FHOD3: variants seen among roughly 807,000 people sequenced by gnomAD.
FHOD3 encodes FH1/FH2 domain-containing protein 3.
Under a neutral mutation model 173.0 loss-of-function variants are expected in FHOD3, and 90 were observed. The observed-to-expected ratio is 0.52, with a 90% CI of 0.44 to 0.62. FHOD3 has a LOEUF of 0.62. Among genes scored for constraint, FHOD3 ranks in the 20% least tolerant of loss-of-function variants. The pLI is 0.00. For missense variants in FHOD3, 1,945 were observed against 2,034.7 expected, an observed-to-expected ratio of 0.96 and a Z score of 0.85; for synonymous variants, 828 against 823.0, an observed-to-expected ratio of 1.01 and a Z score of -0.10.
At chr18:36,515,570 A>G (rs2055923811) in intron 5 of FHOD3, among the ~76,000 whole-genome samples, 1 of 152,308 alleles carries the variant, frequency 6.6e-6, no homozygotes, top group Middle Eastern at 3.4e-3. Context: ...GCCAGAGGCA[A>G]TTCCCGAATG....
chr18:36,594,285 CT>C (rs1887417612), intron 6 of FHOD3, among the ~76,000 whole-genome samples: 1 of 152,084 alleles, frequency 6.6e-6, no homozygotes, highest in Non-Finnish European at 1.5e-5. Context: ...GCGGCCTTCT[CT>C]GCTTGGCTTT....
At chr18:36,301,356 A>C (rs990335321) in intron 1 of FHOD3, among the ~76,000 whole-genome samples, 3 of 152,192 alleles carry the variant, frequency 2.0e-5, no homozygotes, top group African/African-American at 7.2e-5. Context: ...TAAAATTGTC[A>C]TCTTATGCAA....
At chr18:36,489,736 A>G (rs1460077956) in intron 3 of FHOD3, among the ~76,000 whole-genome samples, 1 of 152,210 alleles carries the variant, frequency 6.6e-6, no homozygotes, top group Admixed American at 6.5e-5. Context: ...GAAAATATGT[A>G]ATTCAAATAT....
At chr18:36,457,878 A>G (rs905798654) in intron 3 of FHOD3, among the ~76,000 whole-genome samples, 1 of 152,252 alleles carries the variant, frequency 6.6e-6, no homozygotes, top group African/African-American at 2.4e-5. Context: ...TAGACTAATT[A>G]TAGCCTCATT....
At chr18:36,636,145 C>T (rs770804476) in intron 10 of FHOD3, among the ~76,000 whole-genome samples, 1 of 152,186 alleles carries the variant, frequency 6.6e-6, no homozygotes, top group East Asian at 1.9e-4. Flanking sequence ...CTGTAAGATG[C>T]ACCTTCTCCT....
intron 11 of FHOD3, among the ~76,000 whole-genome samples, chr18:36,651,559 C>T (rs927840012): frequency 5.3e-5 from 8 of 152,154 alleles, no homozygotes; most frequent in African/African-American, 1.9e-4. Context: ...TCGAGTCCAG[C>T]TTGACCAACA....
At chr18:36,682,402 G>A (rs578242849) in intron 15 of FHOD3, among the ~76,000 whole-genome samples, 1 of 151,462 alleles carries the variant, frequency 6.6e-6, no homozygotes, top group African/African-American at 2.4e-5. Flanking sequence ...ATCCTTTGAA[G>A]TCATTTACCC....
chr18:36,433,273 AT>A (rs2147279452), intron 3 of FHOD3, among the ~76,000 whole-genome samples: 1 of 152,312 alleles, frequency 6.6e-6, no homozygotes, highest in Non-Finnish European at 1.5e-5. Flanking sequence ...CTTGGGGGGC[AT>A]TTTAGGATTC....
chr18:36,314,174 C>T (rs1046819870), intron 1 of FHOD3, among the ~76,000 whole-genome samples: 1 of 152,126 alleles, frequency 6.6e-6, no homozygotes, highest in Non-Finnish European at 1.5e-5. Flanking sequence ...CTCCCAAAGC[C>T]CTGTTATGGA....
At position 36,588,047 on chromosome 18, in the gene FHOD3, T is replaced by C. The variant is rs116419090; in HGVS notation, c.607-6740T>C. On this transcript the variant is annotated intron_variant, in intron 6 of 28. Transcript: ENST00000590592. ...GATGTGCCAACCATAGTCTCCACAC[T>C]CTCCCTTGAAGGACACCTGCAAAAC... Among the ~76,000 whole-genome samples, 367 of 152,334 alleles carry C rather than the reference T, an allele frequency of 2.4e-3. 1 individual carries two copies. Among genetic ancestry groups the C allele is most frequent in the African/African-American group, 8.5e-3 (354 of 41,582 alleles).
intron 3 of FHOD3, among the ~76,000 whole-genome samples, chr18:36,488,936 A>G (rs995355313): frequency 1.3e-5 from 2 of 152,162 alleles, no homozygotes; most frequent in Non-Finnish European, 2.9e-5. Context: ...GGTGGGAGAC[A>G]GGTTCAGGAG....
chr18:36,593,904 T>C (rs564928484), intron 6 of FHOD3, among the ~76,000 whole-genome samples: 1 of 152,212 alleles, frequency 6.6e-6, no homozygotes, highest in East Asian at 1.9e-4. Flanking sequence ...CCTTGCTGTT[T>C]CTCGGCTGCA....
At chr18:36,647,181 C>T (rs1438846604) in intron 10 of FHOD3, among the ~76,000 whole-genome samples, 2 of 152,190 alleles carry the variant, frequency 1.3e-5, no homozygotes, top group East Asian at 1.9e-4. Flanking sequence ...GCAGAGGTTG[C>T]AGTGAGCCAA....
At position 36,421,434 on chromosome 18, in the gene FHOD3, A is replaced by G. The variant is rs16967834; in HGVS notation, c.337+48690A>G. Among the ~76,000 whole-genome samples the G allele has an allele frequency of 9.3e-3, 1,419 of 152,318 alleles. 15 individuals are homozygous for G. Among genetic ancestry groups the G allele is most frequent in the African/African-American group, 0.033 (1,367 of 41,574 alleles). ...AAAACTTTACTTCAGTTGATCCAAGAGTTTGAGTTGATATTTCAAGGATGT... is the reference window on the plus strand; with the variant it reads ...AAAACTTTACTTCAGTTGATCCAAGGGTTTGAGTTGATATTTCAAGGATGT... On this transcript the variant is annotated intron_variant, in intron 3 of 28. Transcript: ENST00000590592.
At chr18:36,619,722 A>G (rs566023906) in intron 9 of FHOD3, among the ~76,000 whole-genome samples, 28 of 152,370 alleles carry the variant, frequency 1.8e-4, no homozygotes, top group African/African-American at 6.0e-4. Context: ...GAGAGGGCAC[A>G]TACTCTAATG....
At chr18:36,307,285 A>C (rs901973723) in intron 1 of FHOD3, among the ~76,000 whole-genome samples, 1 of 152,044 alleles carries the variant, frequency 6.6e-6, no homozygotes. Flanking sequence ...TTAGAAGTCC[A>C]TTTTTCCCTA....
intron 3 of FHOD3, among the ~76,000 whole-genome samples, chr18:36,382,044 C>T (rs1437741276): frequency 6.6e-6 from 1 of 152,178 alleles, no homozygotes; most frequent in Admixed American, 6.5e-5. Context: ...TCCATGGTGC[C>T]AGCCATCGCA....
chr18:36,657,339 C>T (rs1026649219), intron 13 of FHOD3, among the ~76,000 whole-genome samples: 3 of 152,168 alleles, frequency 2.0e-5, no homozygotes, highest in African/African-American at 7.2e-5. Flanking sequence ...TGGGAGTGCT[C>T]TGAGTGATGA....
rs529302031 is a variant in FHOD3, at chr18:36,763,572, G to A, written c.4624+2790G>A. ...TATATATAATATGTGTATTATACAC[G>A]TTATATATAATATGTGTATTATACA... On this transcript the variant is annotated intron_variant, in intron 27 of 28. Coordinates refer to ENST00000590592, the MANE Select transcript of FHOD3 (RefSeq NM_001281740.3). Among the ~76,000 whole-genome samples, 6 of 142,286 alleles carry A rather than the reference G, an allele frequency of 4.2e-5. 1 individual carries two copies. Among genetic ancestry groups the A allele is most frequent in the African/African-American group, 1.1e-4 (4 of 37,586 alleles). The allele number at this position is 142,286 out of a possible 152,430, so 93.3% of individuals were successfully genotyped here.
Sources: gnomAD v4.1 joint callset for allele counts (sites outside exome capture counted in the v4.1 genomes callset) on GRCh38, gnomAD v4.1.1 for gene constraint, MANE v1.5 for transcripts, NCBI Gene and HGNC (gene_info 2026-07-23, HGNC 2026-07-21) for gene names.